NFIA: variants seen among roughly 807,000 people sequenced by gnomAD.
NFIA encodes nuclear factor I A.
Under a neutral mutation model 62.8 loss-of-function variants are expected in NFIA, and 8 were observed. That is an observed-to-expected ratio of 0.13 (90% CI 0.07 to 0.23). NFIA has a LOEUF of 0.23. Ranked by LOEUF, NFIA falls within the 10% of genes least tolerant of loss-of-function variation. The pLI, the probability that NFIA is intolerant of heterozygous loss-of-function variation, is 1.00. For synonymous variants in NFIA, 235 were observed against 238.1 expected (o/e 0.99, Z 0.12); for missense variants, 410 against 642.1 (o/e 0.64, Z 3.91).
At chr1:61,291,341 A>C (rs1251946769) in intron 3 of NFIA, among the ~76,000 whole-genome samples, 2 of 152,192 alleles carry the variant, frequency 1.3e-5, no homozygotes, top group Non-Finnish European at 2.9e-5. Context: ...ATGTAAATTG[A>C]CTAGGAAAGC....
At chr1:61,250,763 C>T (rs769437323) in intron 2 of NFIA, among the ~76,000 whole-genome samples, 4 of 152,166 alleles carry the variant, frequency 2.6e-5, no homozygotes, top group South Asian at 2.1e-4. Flanking sequence ...AATCATAGCT[C>T]GAGTTTTTTC....
chr1:61,443,866 A>G (rs999800347), intron 10 of NFIA, among the ~76,000 whole-genome samples: 5 of 152,208 alleles, frequency 3.3e-5, no homozygotes, highest in African/African-American at 1.2e-4. Flanking sequence ...AATTTCAATA[A>G]GCCAGGAAAT....
intron 2 of NFIA, among the ~76,000 whole-genome samples, chr1:61,204,292 G>A (rs1360399591): frequency 1.3e-5 from 2 of 152,194 alleles, no homozygotes; most frequent in Non-Finnish European, 2.9e-5. Context: ...ACTTGAGCCA[G>A]TTAGCTGGTG....
chr1:61,433,230 G>A (rs1302782077), intron 10 of NFIA, among the ~76,000 whole-genome samples: 2 of 152,166 alleles, frequency 1.3e-5, no homozygotes, highest in African/African-American at 2.4e-5. Context: ...TCTCCTGTTA[G>A]TTCATGTCTC....
intron 2 of NFIA, among the ~76,000 whole-genome samples, chr1:61,177,706 A>G (rs1650475195): frequency 6.7e-6 from 1 of 149,146 alleles, no homozygotes; most frequent in Non-Finnish European, 1.5e-5. Context: ...ATTATAATCT[A>G]TAAGTCTCTC....
In NFIA at chr1:61,088,175, A is replaced by C. The variant is rs762734883; in HGVS notation, c.54A>C (p.Ala18=). ...TQDEFHPFIE[A]LLPHVRAFAY... is the part of the protein sequence containing the mutation. ...ATGAATTTCATCCTTTCATCGAAGC[A>C]CTTCTGCCCCACGTCCGAGCCTTTG... Residue 18 remains alanine, a synonymous_variant, in exon 2 of 11, where the codon GCA becomes GCC. Transcript: ENST00000403491. This position sits in a 1 kb window ranked among gnomAD's most constrained non-coding sequence, Gnocchi z 4.5. The C allele has an allele frequency of 6.2e-7, 1 of 1,606,760 alleles. No individual in the cohort carries two copies. The highest frequency in any genetic ancestry group is 1.1e-5 in the South Asian group (1 of 89,852).
chr1:61,252,185 G>A (rs1387951257), intron 2 of NFIA, among the ~76,000 whole-genome samples: 3 of 152,120 alleles, frequency 2.0e-5, no homozygotes, highest in Admixed American at 6.5e-5. Context: ...TAGAAACTCT[G>A]TATTAACCAG....
At chr1:61,331,006 T>C (rs1188604447) in intron 3 of NFIA, among the ~76,000 whole-genome samples, 1 of 152,178 alleles carries the variant, frequency 6.6e-6, no homozygotes, top group East Asian at 1.9e-4. Context: ...TTTATTTATT[T>C]ATTAATTTTT....
intron 2 of NFIA, among the ~76,000 whole-genome samples, chr1:61,235,599 T>C (rs1398457175): frequency 6.6e-6 from 1 of 151,264 alleles, no homozygotes; most frequent in Admixed American, 6.6e-5. Context: ...GAGAATCACT[T>C]GAGCCCAGGA....
intron 2 of NFIA, among the ~76,000 whole-genome samples, chr1:61,202,989 A>T (rs958316846): frequency 3.8e-4 from 58 of 152,368 alleles, no homozygotes; most frequent in African/African-American, 1.3e-3. Context: ...TCATCCGTCC[A>T]ATTGTTGCTT....
At chr1:61,146,769 G>A (rs561031790) in intron 2 of NFIA, among the ~76,000 whole-genome samples, 16 of 152,236 alleles carry the variant, frequency 1.1e-4, no homozygotes, top group Admixed American at 3.3e-4. Context: ...GACTACTTCT[G>A]CTGACCACAC....
At chr1:61,246,235 C>T (rs1655641982) in intron 2 of NFIA, among the ~76,000 whole-genome samples, 1 of 152,072 alleles carries the variant, frequency 6.6e-6, no homozygotes, top group Admixed American at 6.5e-5. Context: ...AACTCCTTTA[C>T]AAGTATTACC....
intron 2 of NFIA, among the ~76,000 whole-genome samples, chr1:61,137,613 C>G (rs1327918564): frequency 6.6e-6 from 1 of 152,156 alleles, no homozygotes; most frequent in Non-Finnish European, 1.5e-5. Flanking sequence ...CTTGGCTGCC[C>G]ATTTAGAATC....
chr1:61,445,317 C>T (rs560206631), intron 10 of NFIA, among the ~76,000 whole-genome samples: 2 of 152,104 alleles, frequency 1.3e-5, no homozygotes, highest in Non-Finnish European at 2.9e-5. Flanking sequence ...AAATCCCAAC[C>T]GCAGCCCCAT....
chr1:61,411,441 AT>A (rs1042384723), intron 9 of NFIA, among the ~76,000 whole-genome samples: 15 of 152,260 alleles, frequency 9.9e-5, no homozygotes, highest in Middle Eastern at 3.4e-3. Flanking sequence ...CTGTAAGAGC[AT>A]TTCACAACCA....
chr1:61,328,231 A>T (rs947299537), intron 3 of NFIA, among the ~76,000 whole-genome samples: 2 of 151,886 alleles, frequency 1.3e-5, no homozygotes, highest in African/African-American at 4.8e-5. Flanking sequence ...GATTTGTCTC[A>T]GTGTCTCCAA....
intron 2 of NFIA, among the ~76,000 whole-genome samples, chr1:61,242,495 A>G (rs537838425): frequency 2.6e-5 from 4 of 152,352 alleles, no homozygotes; most frequent in South Asian, 2.1e-4. Context: ...GGTTAATTAT[A>G]TAAATAACCA....
intron 6 of NFIA, among the ~76,000 whole-genome samples, chr1:61,365,050 A>G (rs1663512951): frequency 6.6e-6 from 1 of 152,118 alleles, no homozygotes; most frequent in Admixed American, 6.6e-5. Context: ...AGCCATGCAT[A>G]ATGGTGTGTG....
intron 2 of NFIA, among the ~76,000 whole-genome samples, chr1:61,268,248 T>A (rs1015186567): frequency 1.3e-5 from 2 of 152,230 alleles, no homozygotes; most frequent in African/African-American, 4.8e-5. Context: ...CTGCATTTTT[T>A]AGGCAAATTG....
Sources: gnomAD v4.1 joint callset for allele counts (sites outside exome capture counted in the v4.1 genomes callset) on GRCh38, gnomAD v4.1.1 for gene constraint, Gnocchi (gnomAD v3.1) non-coding constraint, MANE v1.5 for transcripts, NCBI Gene and HGNC (gene_info 2026-07-23, HGNC 2026-07-21) for gene names.